KMT2A: variants seen among roughly 807,000 people sequenced by gnomAD.
KMT2A encodes the protein lysine methyltransferase 2A.
A neutral mutation model predicts 345.3 loss-of-function variants in KMT2A; 16 were observed. That is an observed-to-expected ratio of 0.05 (90% CI 0.03 to 0.07). The LOEUF is 0.07. Among genes scored for constraint, KMT2A ranks in the 10% least tolerant of loss-of-function variants. The pLI, the probability that KMT2A is intolerant of heterozygous loss-of-function variation, is 1.00. For missense variants in KMT2A, 3,272 were observed against 4,841.6 expected (o/e 0.68, Z 9.62); for synonymous variants, 1,599 against 1,778.6 (o/e 0.90, Z 2.54).
Position 118,509,196 on chromosome 11 carries a change from T to G in KMT2A, c.10896T>G (p.Ser3632Arg). 1 of 1,613,016 alleles carries G rather than the reference T, an allele frequency of 6.2e-7. No homozygotes were observed. Residue 3632 changes from serine (S) to arginine (R), a missense_variant, in exon 29 of 36, where the codon AGT becomes AGG. This residue lies in a region of KMT2A where 748 missense variants were observed against 922.2 expected (regional missense o/e 0.81). Transcript: ENST00000534358. Reference protein sequence around the residue: ...VTQNPANEQESAEPKTVEEEE... With the variant: ...VTQNPANEQERAEPKTVEEEE... ...AAAATCCAGCAAATGAACAAGAAAG[T>G]GCAGGTATGTGGGTGGGTAAAAGGT...
chr11:118,449,332 A>C (rs1235863685), intron 1 of KMT2A: 1 of 152,050 alleles, frequency 6.6e-6, no homozygotes, highest in Non-Finnish European at 1.5e-5. Context: ...CTGAGGTGGG[A>C]GGATTGCTTA....
In KMT2A at chr11:118,506,454, C is replaced by T. The variant is rs1314282387; in HGVS notation, c.10562C>T (p.Ser3521Phe). The T allele has an allele frequency of 5.0e-6, 8 of 1,614,108 alleles. No individual in the cohort carries two copies. Among genetic ancestry groups the T allele is most frequent in the African/African-American group, 2.7e-5 (2 of 74,944 alleles). The stretch of plus-strand genomic sequence containing the variant: ...ACCTCTCCTGGGGGTTCTCCATCCT[C>T]TCCATCTTCTGGACAGCGGTCAGCA... ...SPTSPGGSPS[S>F]PSSGQRSASP... The change falls in exon 27 of 36, where the codon TCT becomes TTT. Residue 3521 changes from serine to phenylalanine, a missense_variant. Around this residue, in one of 27 missense-constraint regions of KMT2A, gnomAD observed 748 missense variants for 922.2 expected, o/e 0.81. Transcript: ENST00000534358.
At chr11:118,477,121 G>T in intron 4 of KMT2A, 139 bp downstream of exon 4, 1 of 796,162 alleles carries the variant, frequency 1.3e-6, no homozygotes. Flanking sequence ...AATACATGAG[G>T]ATTTTATTAG....
chr11:118,509,289 A>C, intron 29 of KMT2A, 89 bp downstream of exon 29: 1 of 1,078,476 alleles, frequency 9.3e-7, no homozygotes, highest in Non-Finnish European at 1.3e-6. Flanking sequence ...TATTTTCTAC[A>C]TTTAAAAAAA....
At chr11:118,511,430 G>T (rs1425271161) in intron 30 of KMT2A, among the ~76,000 whole-genome samples, 1 of 152,170 alleles carries the variant, frequency 6.6e-6, no homozygotes, top group East Asian at 1.9e-4. Context: ...GTGGAGTGAT[G>T]TAAGAAATCC....
chr11:118,519,688 T>C lies in KMT2A; in HGVS notation c.11217T>C (p.Gly3739=). 6.2e-7 allele frequency: 1 copy of C among 1,614,176 alleles called. No individual in the cohort carries two copies. ...AVVFLIEQLS[G]AKHCRNYKFR... is the part of the protein sequence containing the mutation. ...TGTTCCTCATTGAGCAGCTGTCTGG[T>C]GCCAAGCACTGTCGAAATTACAAAT... The change falls in exon 32 of 36, where the codon GGT becomes GGC. Residue 3739 remains glycine (G), a synonymous_variant. Coordinates refer to ENST00000534358, the MANE Select transcript of KMT2A (RefSeq NM_001197104.2).
rs1950582640 is a variant in KMT2A at position 118,506,339 on chromosome 11, G to C, written c.10447G>C (p.Val3483Leu). 14 of 1,614,000 alleles carry C rather than the reference G, an allele frequency of 8.7e-6. No homozygotes were observed. Among genetic ancestry groups the C allele is most frequent in the South Asian group, 2.2e-5 (2 of 91,078 alleles). ...TCTTGATTCTGCTTCAGGGCCCCAG[G>C]TATCCAACTTTACCCAGACGGTAGA... ...RDLDSASGPQVSNFTQTVDAP... is the reference protein window; with the variant it reads ...RDLDSASGPQLSNFTQTVDAP... Residue 3483 changes from valine (V) to leucine (L), a missense_variant, in exon 27 of 36, where the codon GTA becomes CTA. By Grantham distance (32) the Val-to-Leu change is conservative (BLOSUM62 1). Coordinates refer to ENST00000534358, the MANE Select transcript of KMT2A (RefSeq NM_001197104.2).
At position 118,484,933 on chromosome 11, in the gene KMT2A, C is replaced by G; in HGVS notation, c.4290C>G (p.Pro1430=). Residue 1430 remains proline, a synonymous_variant, in exon 10 of 36, where the codon CCC becomes CCG. Transcript: ENST00000534358. This position sits in a 1 kb window ranked among gnomAD's most constrained non-coding sequence, Gnocchi z 4.1. ...TCTTGACTTCTGTTCCTATAACACCCAGGGTGGTTTGCTTTCTCTGTGCCA... is the reference window on the plus strand; with the variant it reads ...TCTTGACTTCTGTTCCTATAACACCGAGGGTGGTTTGCTTTCTCTGTGCCA... The part of the protein sequence containing the change: ...LGILTSVPIT[P]RVVCFLCASS... The G allele has an allele frequency of 6.2e-7, 1 of 1,613,758 alleles. No homozygotes were observed. Among genetic ancestry groups the G allele is most frequent in the Non-Finnish European group, 8.5e-7 (1 of 1,179,818 alleles).
At position 118,436,806 on chromosome 11, in the gene KMT2A, A is replaced by C. The variant is rs781823685; in HGVS notation, c.294A>C (p.Ser98=). The change falls in exon 1 of 36, where the codon TCA becomes TCC. Residue 98 remains serine (S), a synonymous_variant. Transcript: ENST00000534358. This position sits in a 1 kb window ranked among gnomAD's most constrained non-coding sequence, Gnocchi z 6.9. The stretch of plus-strand genomic sequence containing the variant: ...CGTCTTCGTCTTCGTCATCGTCCTC[A>C]GCCTCTTCAGGGCCGGCCCTGCTCC... The part of the protein sequence containing the change: ...SASSSSSSSS[S]ASSGPALLRV... 1.2e-6 allele frequency: 2 copies of C among 1,609,006 alleles called. No individual in the cohort carries two copies. The highest frequency in any genetic ancestry group is 3.3e-5 in the Admixed American group (2 of 59,776).
At chr11:118,460,823 T>A (rs1013339827) in intron 1 of KMT2A, among the ~76,000 whole-genome samples, 66 of 152,116 alleles carry the variant, frequency 4.3e-4, no homozygotes, top group Non-Finnish European at 1.0e-4. Context: ...CACACCACCA[T>A]ACCCAGCTAT....
At position 118,510,037 on chromosome 11, in the gene KMT2A, A is replaced by C; in HGVS notation, c.10990A>C (p.Thr3664Pro). 6.2e-7 allele frequency: 1 copy of C among 1,613,980 alleles called. No homozygotes were observed. The highest frequency in any genetic ancestry group is 1.3e-5 in the African/African-American group (1 of 75,038). Residue 3664 changes from threonine to proline, a missense_variant, in exon 30 of 36, where the codon ACT becomes CCT. Coordinates refer to ENST00000534358, the MANE Select transcript of KMT2A (RefSeq NM_001197104.2). The surrounding 1 kb of genome is among the most constrained non-coding windows in gnomAD (Gnocchi z 4.1). ...QQEQKRKESI[T>P]EKKPKKGLVF... The stretch of plus-strand genomic sequence containing the variant: ...AGAACAAAAGCGGAAGGAAAGCATT[A>C]CTGAGAAAAAACCCAAGAAAGGACT...
rs538641774 is a variant in KMT2A, at chr11:118,507,693, A to G, written c.10835+84A>G. ...AAAATAGTTCTTCCAGGCCGGGCGC[A>G]GTGGCTCACGCCTGTAATCCTAGTA... On this transcript the variant is annotated intron_variant, in intron 28 of 35. Transcript: ENST00000534358. The G allele has an allele frequency of 2.5e-3, 2,731 of 1,099,414 alleles. 6 individuals are homozygous for G. The highest frequency in any genetic ancestry group is 3.3e-3 in the Non-Finnish European group (2,414 of 730,930). The allele number at this position is 1,099,414 out of a possible 1,614,324, so 68.1% of individuals were successfully genotyped here. A position where few individuals can be genotyped will look rare whatever the true frequency, so the allele number is the denominator to read the frequency against.
chr11:118,493,038 A>G lies in KMT2A; in HGVS notation c.5005-19A>G. On this transcript the variant is annotated intron_variant, in intron 15 of 35. Transcript: ENST00000534358. This position sits in a 1 kb window ranked among gnomAD's most constrained non-coding sequence, Gnocchi z 5.8. ...GGTTTTAGTGTTAGATAAAAGCAAC[A>G]TATCTTTCCTGGCAATAGGCTGCCA... 3 of 1,608,004 alleles carry G rather than the reference A, an allele frequency of 1.9e-6. No individual in the cohort carries two copies. The highest frequency in any genetic ancestry group is 1.1e-5 in the South Asian group (1 of 90,118).
rs2134270085 is a variant in KMT2A at position 118,473,702 on chromosome 11, G to A, written c.2543G>A (p.Gly848Glu). ...ACCCCAGGCTCTCAGACTGAAAGAG[G>A]GAGAAATAAAGACAAGGCCCCCGAG... ...WFTPGSQTERGRNKDKAPEEL... is the reference protein window; with the variant it reads ...WFTPGSQTERERNKDKAPEEL... Residue 848 changes from glycine (G) to glutamate (E), a missense_variant, in exon 3 of 36, where the codon GGG becomes GAG. By Grantham distance (98) the Gly-to-Glu change is moderately conservative. Coordinates refer to ENST00000534358, the MANE Select transcript of KMT2A (RefSeq NM_001197104.2). The surrounding 1 kb of genome is among the most constrained non-coding windows in gnomAD (Gnocchi z 5.2). The A allele has an allele frequency of 6.2e-7, 1 of 1,614,100 alleles. No homozygotes were observed. Among genetic ancestry groups the A allele is most frequent in the Non-Finnish European group, 8.5e-7 (1 of 1,180,028 alleles).
At position 118,522,191 on chromosome 11, in the gene KMT2A, G is replaced by C. The variant is rs782397592; in HGVS notation, c.*19G>C. On this transcript the variant is annotated 3_prime_UTR_variant, in exon 36 of 36. Coordinates refer to ENST00000534358, the MANE Select transcript of KMT2A (RefSeq NM_001197104.2). The surrounding 1 kb of genome is among the most constrained non-coding windows in gnomAD (Gnocchi z 5.4). ...AAACTAAAGCTGCTCTTCTCCCCCAGTGTTGGAGTGCAAGGAGGCGGGGCC... is the reference window on the plus strand; with the variant it reads ...AAACTAAAGCTGCTCTTCTCCCCCACTGTTGGAGTGCAAGGAGGCGGGGCC... The C allele has an allele frequency of 5.0e-6, 8 of 1,611,232 alleles. No individual in the cohort carries two copies. The highest frequency in any genetic ancestry group is 1.1e-5 in the South Asian group (1 of 91,000).
At chr11:118,507,659 C>CTCATTT (rs1398996079) in intron 28 of KMT2A, 50 bp downstream of exon 28, 3 of 1,484,066 alleles carry the variant, frequency 2.0e-6, no homozygotes, top group Non-Finnish European at 2.8e-6. Context: ...TTTTGTCCAC[C>CTCATTT]TCATTTAAAA....
Position 118,501,829 on chromosome 11 carries a change from C to G in KMT2A, c.6477C>G (p.Ser2159=). The change falls in exon 26 of 36, where the codon TCC becomes TCG. Residue 2159 remains serine (S), a synonymous_variant. Coordinates refer to ENST00000534358, the MANE Select transcript of KMT2A (RefSeq NM_001197104.2). ...CCAGTTATTCTCCAACACAGAGATC[C>G]CCTGGCTGTCGACCGTTGCCTTCTG... ...RTPSYSPTQR[S]PGCRPLPSAG... is the part of the protein sequence containing the mutation. 6.2e-7 allele frequency: 1 copy of G among 1,613,450 alleles called. No individual in the cohort carries two copies.
In KMT2A at chr11:118,471,909, A is replaced by T. The variant is rs1949948952; in HGVS notation, c.750A>T (p.Glu250Asp). ...CAGAGTTACCAAAGGGAAACAAAGAAGATAGCCTGAAAAAAATTAAAAGGA... is the reference window on the plus strand; with the variant it reads ...CAGAGTTACCAAAGGGAAACAAAGATGATAGCCTGAAAAAAATTAAAAGGA... ...DISELPKGNKEDSLKKIKRTP... is the reference protein window; with the variant it reads ...DISELPKGNKDDSLKKIKRTP... The change falls in exon 3 of 36, where the codon GAA becomes GAT. Residue 250 changes from glutamate to aspartate, a missense_variant. Physicochemically the swap from Glu to Asp is conservative, Grantham distance 45. This residue lies in a region of KMT2A where 412 missense variants were observed against 511.0 expected (regional missense o/e 0.81). Coordinates refer to ENST00000534358, the MANE Select transcript of KMT2A (RefSeq NM_001197104.2). The T allele has an allele frequency of 6.2e-7, 1 of 1,613,880 alleles. No individual in the cohort carries two copies. The highest frequency in any genetic ancestry group is 8.5e-7 in the Non-Finnish European group (1 of 1,180,010).
rs559853821 is a variant in KMT2A, at chr11:118,447,930, A to G, written c.432+10986A>G. On this transcript the variant is annotated intron_variant, in intron 1 of 35. Transcript: ENST00000534358. Reference sequence around the variant, plus strand: ...CAGTCATGGTAAAAAGGTTACCAAAATAATTTTATTATCTTCTCTGGAAGT... The same window carrying G: ...CAGTCATGGTAAAAAGGTTACCAAAGTAATTTTATTATCTTCTCTGGAAGT... 1.4e-4 allele frequency: 26 copies of G among 183,940 alleles called. No homozygotes were observed. The East Asian group carries it at 3.8e-3, about 27-fold the overall frequency. 11.4% of individuals were successfully genotyped at this position (183,940 alleles called of 1,614,324 possible).
Sources: allele counts gnomAD v4.1 joint callset (sites outside exome capture counted in the v4.1 genomes callset), GRCh38; gene constraint gnomAD v4.1.1; regional missense constraint gnomAD v4.1.1; non-coding constraint Gnocchi (gnomAD v3.1); transcripts MANE v1.5; gene names NCBI Gene and HGNC (gene_info 2026-07-23, HGNC 2026-07-21).